Variants in CCSER1 observed in about 807,000 individuals in gnomAD.
CCSER1 encodes the protein serine-rich coiled-coil domain-containing protein 1.
CCSER1 carries 41 observed loss-of-function variants against 82.0 expected under a neutral mutation model. That is an observed-to-expected ratio of 0.50 (90% CI 0.39 to 0.65). CCSER1 has a LOEUF of 0.65. CCSER1 is among the 30% of genes least tolerant of loss of function. CCSER1 has a pLI of 0.00. For missense variants in CCSER1, 1,119 were observed against 1,064.2 expected, an observed-to-expected ratio of 1.05 and a Z score of -0.72; for synonymous variants, 414 against 383.9, an observed-to-expected ratio of 1.08 and a Z score of -0.92.
chr4:91,112,631 T>A (rs899291621), intron 10 of CCSER1: 1 of 151,930 alleles, frequency 6.6e-6, no homozygotes, highest in Non-Finnish European at 1.5e-5. Flanking sequence ...GTTCTCAAGG[T>A]CATTATGCAG....
intron 4 of CCSER1, among the ~76,000 whole-genome samples, chr4:90,445,561 G>A (rs2153575303): frequency 6.6e-6 from 1 of 152,122 alleles, no homozygotes; most frequent in South Asian, 2.1e-4. Context: ...AAAGTTAGCG[G>A]GGCTTGAGAA....
At chr4:91,280,360 C>T (rs180852361) in intron 10 of CCSER1, among the ~76,000 whole-genome samples, 1 of 152,252 alleles carries the variant, frequency 6.6e-6, no homozygotes, top group Non-Finnish European at 1.5e-5. Flanking sequence ...ATCATCTGGC[C>T]CCCAAGAAGT....
At chr4:90,223,510 CA>C (rs1210706359) in intron 1 of CCSER1, among the ~76,000 whole-genome samples, 1 of 152,166 alleles carries the variant, frequency 6.6e-6, no homozygotes, top group Non-Finnish European at 1.5e-5. Context: ...TGATTTTTAA[CA>C]TGGATGATTC....
intron 8 of CCSER1, among the ~76,000 whole-genome samples, chr4:90,835,492 A>G (rs1375391214): frequency 1.3e-5 from 2 of 152,108 alleles, no homozygotes; most frequent in Non-Finnish European, 2.9e-5. Flanking sequence ...GGTATTTATT[A>G]CCGTGGAGCC....
At chr4:91,377,642 GA>G (rs1419655797) in intron 10 of CCSER1, among the ~76,000 whole-genome samples, 2 of 152,146 alleles carry the variant, frequency 1.3e-5, no homozygotes. Context: ...GGAGATTCTG[GA>G]TATTAGCCCT....
chr4:90,624,720 CA>C (rs1169085566), intron 5 of CCSER1, among the ~76,000 whole-genome samples: 1 of 152,108 alleles, frequency 6.6e-6, no homozygotes, highest in Non-Finnish European at 1.5e-5. Context: ...TAATCTTATC[CA>C]AAACCTGTGT....
chr4:91,385,462 C>G (rs1751225272), intron 10 of CCSER1, among the ~76,000 whole-genome samples: 1 of 151,940 alleles, frequency 6.6e-6, no homozygotes, highest in South Asian at 2.1e-4. Flanking sequence ...AGGGGAGCTC[C>G]TGATGCTTCT....
At chr4:91,365,851 T>C (rs1749577727) in intron 10 of CCSER1, among the ~76,000 whole-genome samples, 1 of 152,160 alleles carries the variant, frequency 6.6e-6, no homozygotes, top group Non-Finnish European at 1.5e-5. Flanking sequence ...ATGAATGCAT[T>C]ATCCAGTGTG....
At chr4:91,242,655 T>C (rs898765630) in intron 10 of CCSER1, among the ~76,000 whole-genome samples, 1 of 152,180 alleles carries the variant, frequency 6.6e-6, no homozygotes, top group Non-Finnish European at 1.5e-5. Context: ...TTGGACTTCA[T>C]TGAAATTAAA....
chr4:91,271,675 GAT>G (rs942562385), intron 10 of CCSER1, among the ~76,000 whole-genome samples: 5 of 151,544 alleles, frequency 3.3e-5, no homozygotes, highest in African/African-American at 9.7e-5. Context: ...ATATATATAT[GAT>G]ATATATACAC....
chr4:90,620,790 A>G (rs1291027583), intron 5 of CCSER1, among the ~76,000 whole-genome samples: 2 of 152,090 alleles, frequency 1.3e-5, no homozygotes, highest in East Asian at 3.9e-4. Context: ...ACAAGAAACA[A>G]TGACCTCTTT....
intron 5 of CCSER1, among the ~76,000 whole-genome samples, chr4:90,479,113 A>T (rs1352523671): frequency 6.6e-6 from 1 of 151,782 alleles, no homozygotes; most frequent in African/African-American, 2.4e-5. Context: ...TTTTTTTTCA[A>T]ATGCAGTTCT....
chr4:91,441,037 AG>A (rs1449743548), intron 10 of CCSER1, among the ~76,000 whole-genome samples: 3 of 152,036 alleles, frequency 2.0e-5, no homozygotes, highest in Non-Finnish European at 4.4e-5. Context: ...ATTCTACCAG[AG>A]GTACAAGGAG....
At chr4:91,145,324 C>G (rs1253984115) in intron 10 of CCSER1, among the ~76,000 whole-genome samples, 1 of 152,078 alleles carries the variant, frequency 6.6e-6, no homozygotes, top group African/African-American at 2.4e-5. Flanking sequence ...TCTTCTCTGT[C>G]CCTTTACTTT....
chr4:90,527,522 T>A (rs1773945989), intron 5 of CCSER1, among the ~76,000 whole-genome samples: 1 of 152,208 alleles, frequency 6.6e-6, no homozygotes, highest in Non-Finnish European at 1.5e-5. Context: ...TGTTAGATGA[T>A]GTTATTAATT....
At chr4:90,257,931 C>T (rs1475712291) in intron 1 of CCSER1, among the ~76,000 whole-genome samples, 1 of 152,176 alleles carries the variant, frequency 6.6e-6, no homozygotes, top group Non-Finnish European at 1.5e-5. Flanking sequence ...ATTTCATATG[C>T]TAATCTCATC....
chr4:91,324,406 C>T (rs562076501), intron 10 of CCSER1, among the ~76,000 whole-genome samples: 76 of 152,166 alleles, frequency 5.0e-4, no homozygotes, highest in South Asian at 8.3e-4. Flanking sequence ...TCAACGTCAA[C>T]GTGCAATACA....
chr4:90,168,156 T>C (rs1730885094), intron 1 of CCSER1, among the ~76,000 whole-genome samples: 1 of 152,242 alleles, frequency 6.6e-6, no homozygotes, highest in Non-Finnish European at 1.5e-5. Flanking sequence ...GACTTTTTAA[T>C]GATCGCCATT....
At chr4:90,483,316 CTCTT>C (rs567916079) in intron 5 of CCSER1, among the ~76,000 whole-genome samples, 3 of 152,164 alleles carry the variant, frequency 2.0e-5, no homozygotes, top group Admixed American at 6.5e-5. Flanking sequence ...TGGGTCTTGA[CTCTT>C]TATCCAATTT....
Sources: allele counts gnomAD v4.1 joint callset (sites outside exome capture counted in the v4.1 genomes callset), GRCh38; gene constraint gnomAD v4.1.1; transcripts MANE v1.5; gene names NCBI Gene and HGNC (gene_info 2026-07-23, HGNC 2026-07-21).